Variants in SNX25 observed in about 807,000 individuals in gnomAD.
The protein encoded by SNX25 is sorting nexin-25.
Under a neutral mutation model 113.7 loss-of-function variants are expected in SNX25, and 62 were observed. The ratio of observed to expected loss-of-function variants is 0.55; its 90% CI spans 0.44 to 0.67. SNX25 has a LOEUF of 0.67. Ranked by LOEUF, SNX25 falls within the 30% of genes least tolerant of loss-of-function variation. SNX25 has a pLI of 0.00. For synonymous variants in SNX25, 421 were observed against 436.2 expected (o/e 0.97, Z 0.43); for missense variants, 1,014 against 1,161.0 (o/e 0.87, Z 1.84).
chr4:185,289,799 C>T (rs1274227233), intron 6 of SNX25, among the ~76,000 whole-genome samples: 1 of 152,006 alleles, frequency 6.6e-6, no homozygotes, highest in Non-Finnish European at 1.5e-5. Flanking sequence ...TTTTAGTGCC[C>T]CTCTTTGAGT....
At chr4:185,297,794 A>G (rs1017123569) in intron 6 of SNX25, among the ~76,000 whole-genome samples, 1 of 152,068 alleles carries the variant, frequency 6.6e-6, no homozygotes, top group Non-Finnish European at 1.5e-5. Context: ...TAACTCCATC[A>G]TGGGGCTTCT....
At chr4:185,222,425 A>T (rs924047014) in intron 1 of SNX25, among the ~76,000 whole-genome samples, 1 of 151,372 alleles carries the variant, frequency 6.6e-6, no homozygotes, top group Non-Finnish European at 1.5e-5. Context: ...CTCGGTAGGT[A>T]TTCAGCGCCC....
chr4:185,353,999 G>A (rs937249218), intron 15 of SNX25, among the ~76,000 whole-genome samples: 10 of 147,634 alleles, frequency 6.8e-5, no homozygotes, highest in South Asian at 2.1e-4. Flanking sequence ...AGCCAAGATC[G>A]CACCACTGCA....
chr4:185,309,190 A>T (rs565059248), intron 6 of SNX25, among the ~76,000 whole-genome samples: 6 of 152,228 alleles, frequency 3.9e-5, no homozygotes, highest in African/African-American at 1.4e-4. Context: ...TCCTCTCCAT[A>T]TAGATCTCTC....
intron 7 of SNX25, among the ~76,000 whole-genome samples, chr4:185,313,470 A>G (rs1012605786): frequency 1.3e-5 from 2 of 152,222 alleles, no homozygotes; most frequent in Non-Finnish European, 2.9e-5. Context: ...GGAAATGTTA[A>G]CAGTCCCCCT....
chr4:185,275,052 G>A (rs1346455130), intron 5 of SNX25, among the ~76,000 whole-genome samples: 1 of 152,148 alleles, frequency 6.6e-6, no homozygotes, highest in African/African-American at 2.4e-5. Context: ...CTAAACCTTT[G>A]CACAGAGGAC....
chr4:185,278,844 C>T (rs2126584359), intron 5 of SNX25, among the ~76,000 whole-genome samples: 1 of 152,174 alleles, frequency 6.6e-6, no homozygotes, highest in East Asian at 1.9e-4. Flanking sequence ...TATAGTCATA[C>T]TAACAGCTGA....
At chr4:185,309,870 T>A (rs1021283078) in intron 6 of SNX25, among the ~76,000 whole-genome samples, 17 of 152,240 alleles carry the variant, frequency 1.1e-4, no homozygotes, top group Non-Finnish European at 2.9e-5. Context: ...CTCAGTACTT[T>A]TGGGCTAGAG....
chr4:185,212,491 G>GTGTTTGT (rs546083196), intron 1 of SNX25, among the ~76,000 whole-genome samples: 11 of 104,942 alleles, frequency 1.0e-4, no homozygotes, highest in East Asian at 8.0e-4. Flanking sequence ...GTGTGTGTGT[G>GTGTTTGT]TTTTTTTTTT....
intron 1 of SNX25, among the ~76,000 whole-genome samples, chr4:185,219,196 C>T (rs1450690032): frequency 6.6e-6 from 1 of 152,188 alleles, no homozygotes; most frequent in African/African-American, 2.4e-5. Flanking sequence ...TTATCTAAGC[C>T]AAGGCCACAT....
chr4:185,256,167 T>C (rs1057434201), intron 2 of SNX25, among the ~76,000 whole-genome samples: 5 of 152,202 alleles, frequency 3.3e-5, no homozygotes, highest in Middle Eastern at 3.2e-3. Context: ...CTCTATACAT[T>C]TTATTTGCTG....
chr4:185,209,079 G>A (rs2111455578), upstream of SNX25, among the ~76,000 whole-genome samples: 1 of 152,322 alleles, frequency 6.6e-6, no homozygotes, highest in East Asian at 1.9e-4. The surrounding 1 kb of genome is among the most constrained non-coding windows in gnomAD (Gnocchi z 5.2). Context: ...GCACCAGGCC[G>A]ACTTCTTTGG....
At position 185,212,491 on chromosome 4, in the gene SNX25, G is replaced by GT. The variant is rs61204525; in HGVS notation, c.429+2251dup. On this transcript the variant is annotated intron_variant, in intron 1 of 18. Transcript: ENST00000652585. ...TGTGTGTGTGTGTGTGTGTGTGTGT[G>GT]TTTTTTTTTTTTTTTGCTTTGAGAC... Among the ~76,000 whole-genome samples, 62 of 104,936 alleles carry GT rather than the reference G, an allele frequency of 5.9e-4. 4 individuals carry two copies. Among genetic ancestry groups the GT allele is most frequent in the South Asian group, 1.6e-3 (5 of 3,214 alleles). 68.8% of individuals were successfully genotyped at this position (104,936 alleles called of 152,430 possible). A position where few individuals can be genotyped will look rare whatever the true frequency, so the allele number is the denominator to read the frequency against.
downstream of SNX25, chr4:185,366,234 G>A (rs544447885): frequency 6.6e-6 from 1 of 152,156 alleles, no homozygotes; most frequent in East Asian, 1.9e-4. Context: ...TCTATATACG[G>A]AAAGCCTTTT....
intron 12 of SNX25, among the ~76,000 whole-genome samples, chr4:185,345,261 CGACAGCTGT>C (rs1168202781): frequency 6.6e-6 from 1 of 152,048 alleles, no homozygotes; most frequent in Non-Finnish European, 1.5e-5. Flanking sequence ...CCCTTCCTGT[CGACAGCTGT>C]GACAGGAAGT....
In SNX25 at chr4:185,343,985, G is replaced by A. The variant is rs181802603; in HGVS notation, c.2187+1869G>A. On this transcript the variant is annotated intron_variant, in intron 12 of 18. Transcript: ENST00000652585. ...TGTAATCCCAGCACTTTGGAAGGCC[G>A]AAGTGGGCGGGTCCCTTGAGGTCAG... Among the ~76,000 whole-genome samples the A allele has an allele frequency of 1.5e-3, 226 of 152,282 alleles. 1 individual carries two copies. The highest frequency in any genetic ancestry group is 7.0e-3 in the Admixed American group (107 of 15,298).
chr4:185,320,890 A>G (rs948025482), intron 8 of SNX25, 26 bp downstream of exon 8: 4 of 1,546,834 alleles, frequency 2.6e-6, no homozygotes, highest in Admixed American at 4.2e-5. Flanking sequence ...TGAAAGGAAT[A>G]TTAATCACTA....
At chr4:185,218,322 C>T (rs979838611) in intron 1 of SNX25, among the ~76,000 whole-genome samples, 6 of 152,234 alleles carry the variant, frequency 3.9e-5, no homozygotes, top group African/African-American at 1.2e-4. Flanking sequence ...TGACCTCAGG[C>T]GATCCGTGCC....
downstream of SNX25, chr4:185,374,325 G>A: frequency 6.2e-7 from 1 of 1,614,010 alleles, no homozygotes; most frequent in Non-Finnish European, 8.5e-7. Context: ...TTACCTTTCA[G>A]CTTCCTCATT....
Sources: allele counts gnomAD v4.1 joint callset (sites outside exome capture counted in the v4.1 genomes callset), GRCh38; gene constraint gnomAD v4.1.1; non-coding constraint Gnocchi (gnomAD v3.1); transcripts MANE v1.5; gene names NCBI Gene and HGNC (gene_info 2026-07-23, HGNC 2026-07-21).